The following SLC49A3 variants were observed in gnomAD, a reference collection of about 807,000 sequenced individuals.
SLC49A3 encodes the protein solute carrier family 49 member 3.
Under a neutral mutation model 43.8 loss-of-function variants are expected in SLC49A3, and 50 were observed. The observed-to-expected ratio is 1.14, with a 90% CI of 0.91 to 1.45. SLC49A3 has a LOEUF of 1.45. Ranked by LOEUF, SLC49A3 falls within the 40% of genes most tolerant of loss-of-function variation. The probability of loss-of-function intolerance (pLI) is 0.00; values close to 1 mark genes in which losing one functional copy is unlikely to be tolerated. For missense variants in SLC49A3, 906 were observed against 774.1 expected (o/e 1.17, Z -2.02); for synonymous variants, 413 against 352.0 (o/e 1.17, Z -1.94).
downstream of SLC49A3, chr4:678,350 C>T (rs954041375): frequency 2.5e-5 from 36 of 1,414,456 alleles, no homozygotes; most frequent in South Asian, 3.9e-4. Context: ...TCCACTTGCC[C>T]CTCAAGCCTT....
At chr4:686,511 A>G (rs1400747032) in intron 2 of SLC49A3, 21 bp downstream of exon 2, 9 of 1,609,550 alleles carry the variant, frequency 5.6e-6, no homozygotes, top group African/African-American at 4.0e-5. Context: ...GGAGCGGGCC[A>G]TGGTGTGGGG....
downstream of SLC49A3, chr4:676,891 T>C (rs1376445391): frequency 1.0e-6 from 1 of 985,228 alleles, no homozygotes; most frequent in African/African-American, 1.7e-5. Flanking sequence ...CAGGAGTCAG[T>C]GCTTCATAGA....
downstream of SLC49A3, among the ~76,000 whole-genome samples, chr4:677,573 C>G (rs933461604): frequency 6.6e-6 from 1 of 152,234 alleles, no homozygotes; most frequent in Non-Finnish European, 1.5e-5. Flanking sequence ...CCCTGACAGA[C>G]AGAGTGTGCT....
rs776335911 is a variant in SLC49A3 at position 686,480 on chromosome 4, C to T, written c.294+52G>A. On this transcript the variant is annotated intron_variant, in intron 2 of 9. Transcript: ENST00000322224. ...AGGCCTTGACTCTCCTACCCAAATG[C>T]GGGGGCCCCTGCACTGTCCCGGAGC... The T allele has an allele frequency of 2.9e-5, 46 of 1,584,712 alleles. 1 individual carries two copies. In the Middle Eastern group the frequency reaches 7.7e-4, roughly 27 times the overall value.
chr4:683,623 C>T lies in SLC49A3; in HGVS notation c.979G>A (p.Val327Met), dbSNP rs756207017. The change falls in exon 7 of 10, where the codon GTG becomes ATG. Residue 327 changes from valine to methionine, a missense_variant. Coordinates refer to ENST00000322224, the MANE Select transcript of SLC49A3 (RefSeq NM_032219.4). Reference sequence around the variant, plus strand: ...GAGACCCTCACCAGGGCAAAGGGCACGCAGGCCAGAGAGAACAGGCACAGG... The same window carrying T: ...GAGACCCTCACCAGGGCAAAGGGCATGCAGGCCAGAGAGAACAGGCACAGG... The part of the protein sequence containing the change: ...IGLCLFSLAC[V>M]PFALVSQLQG... 41 of 1,611,556 alleles carry T rather than the reference C, an allele frequency of 2.5e-5. 1 individual carries two copies. Among genetic ancestry groups the T allele is most frequent in the South Asian group, 1.4e-4 (13 of 90,806 alleles).
chr4:679,261 G>T (rs148785245), downstream of SLC49A3: 42 of 642,962 alleles, frequency 6.5e-5, no homozygotes, highest in African/African-American at 3.9e-4. Flanking sequence ...CCCAAGCCTG[G>T]AAACTCAGAG....
chr4:689,165 G>T, upstream of SLC49A3: 1 of 1,278,830 alleles, frequency 7.8e-7, no homozygotes, highest in Non-Finnish European at 9.9e-7. Flanking sequence ...GGTCCCGCCG[G>T]CCGCCCGGGC....
At chr4:678,866 T>A, downstream of SLC49A3, 1 of 1,608,968 alleles carries the variant, frequency 6.2e-7, no homozygotes, top group Non-Finnish European at 8.5e-7. Flanking sequence ...TGGAAGCCTA[T>A]CCTCAGTCAG....
rs1156552022 is a variant in SLC49A3 at position 682,188 on chromosome 4, G to A, written c.1450C>T (p.Pro484Ser). 2 of 1,361,698 alleles carry A rather than the reference G, an allele frequency of 1.5e-6. No homozygotes were observed. The highest frequency in any genetic ancestry group is 1.8e-5 in the South Asian group (1 of 56,262). The allele number at this position is 1,361,698 out of a possible 1,614,324, so 84.4% of individuals were successfully genotyped here. A position where few individuals can be genotyped will look rare whatever the true frequency, so the allele number is the denominator to read the frequency against. The change falls in exon 10 of 10, where the codon CCC becomes TCC. Residue 484 changes from proline (P) to serine (S), a missense_variant. Coordinates refer to ENST00000322224, the MANE Select transcript of SLC49A3 (RefSeq NM_032219.4). ...GTGCACTCCGGAGTCGCCGTGCTGG[G>A]CCCCAGGACCCCAGCCCTTCCTGCT... is the stretch of plus-strand genomic sequence containing the variant. ...GGAGRAGVLG[P>S]STATPECTAR...
rs933358004 is a variant in SLC49A3 at position 681,834 on chromosome 4, G to A, written c.*124C>T. On this transcript the variant is annotated 3_prime_UTR_variant, in exon 10 of 10. Coordinates refer to ENST00000322224, the MANE Select transcript of SLC49A3 (RefSeq NM_032219.4). The stretch of plus-strand genomic sequence containing the variant: ...GAAACCACACCCGGGGCCGCTGCAG[G>A]TGCGCGCTTGTAATTCGCTCCCGGA... The A allele has an allele frequency of 2.3e-6, 3 of 1,286,672 alleles. No individual in the cohort carries two copies. Among genetic ancestry groups the A allele is most frequent in the Non-Finnish European group, 2.0e-6 (2 of 1,009,430 alleles). 79.7% of individuals were successfully genotyped at this position (1,286,672 alleles called of 1,614,324 possible).
chr4:682,807 T>C lies in SLC49A3; in HGVS notation c.1235A>G (p.Gln412Arg). 2 of 1,598,954 alleles carry C rather than the reference T, an allele frequency of 1.3e-6. No individual in the cohort carries two copies. Among genetic ancestry groups the C allele is most frequent in the Non-Finnish European group, 8.5e-7 (1 of 1,171,022 alleles). ...RSEPSLSTCQ[Q>R]GEDPLDWTVS... ...TGTCCAGTCAAGTGGATCCTCCCCC[T>C]GCTGGCAGGTGGACAAGGACGGCTC... is the stretch of plus-strand genomic sequence containing the variant. Residue 412 changes from glutamine (Q) to arginine (R), a missense_variant, in exon 9 of 10, where the codon CAG becomes CGG. Coordinates refer to ENST00000322224, the MANE Select transcript of SLC49A3 (RefSeq NM_032219.4).
chr4:682,589 C>A (rs1034733833), intron 9 of SLC49A3, among the ~76,000 whole-genome samples, 192 bp downstream of exon 9: 1 of 152,162 alleles, frequency 6.6e-6, no homozygotes, highest in African/African-American at 2.4e-5. Flanking sequence ...TATGGGTGTG[C>A]CAGCCCCATC....
chr4:682,493 G>C, intron 9 of SLC49A3, 117 bp from the exon 10 acceptor site: 1 of 1,113,606 alleles, frequency 9.0e-7, no homozygotes, highest in Non-Finnish European at 1.2e-6. Flanking sequence ...ACCCCAGACG[G>C]AGAGCCCACT....
In SLC49A3 at chr4:685,231, C is replaced by G. The variant is rs1289516735; in HGVS notation, c.586-375G>C. 3.0e-6 allele frequency: 1 copy of G among 338,410 alleles called. No individual in the cohort carries two copies. The highest frequency in any genetic ancestry group is 4.8e-5 in the Admixed American group (1 of 20,976). 21.0% of individuals were successfully genotyped at this position (338,410 alleles called of 1,614,324 possible). ...CTCACGCTCAGTACATACCCCCAAG[C>G]ACAAACACACCACCCGCACCTGATA... On this transcript the variant is annotated intron_variant, in intron 4 of 9. Coordinates refer to ENST00000322224, the MANE Select transcript of SLC49A3 (RefSeq NM_032219.4). The surrounding 1 kb of genome is among the most constrained non-coding windows in gnomAD (Gnocchi z 4.3).
In SLC49A3 at chr4:685,016, G is replaced by T; in HGVS notation, c.586-160C>A. ...GCTGCCCTTTGCGAGGCCCAGGCTG[G>T]GAGGGGCCTGCTCCAGGGGCTCATG... On this transcript the variant is annotated intron_variant, in intron 4 of 9. Coordinates refer to ENST00000322224, the MANE Select transcript of SLC49A3 (RefSeq NM_032219.4). This position sits in a 1 kb window ranked among gnomAD's most constrained non-coding sequence, Gnocchi z 4.3. 1.0e-6 allele frequency: 1 copy of T among 994,502 alleles called. No individual in the cohort carries two copies. Among genetic ancestry groups the T allele is most frequent in the Non-Finnish European group, 1.4e-6 (1 of 703,338 alleles). The allele number at this position is 994,502 out of a possible 1,614,324, so 61.6% of individuals were successfully genotyped here.
intron 6 of SLC49A3, 75 bp from the exon 7 acceptor site, chr4:683,836 C>T: frequency 6.7e-7 from 1 of 1,499,194 alleles, no homozygotes; most frequent in South Asian, 1.3e-5. Flanking sequence ...GGGCAGGGGG[C>T]TCAGTGTAGG....
rs768963209 is a variant in SLC49A3, at chr4:681,850, C to A, written c.*108G>T. On this transcript the variant is annotated 3_prime_UTR_variant, in exon 10 of 10. Transcript: ENST00000322224. ...CCGCTGCAGGTGCGCGCTTGTAATT[C>A]GCTCCCGGAGCCCGCAAGGAGCCCT... The A allele has an allele frequency of 3.1e-6, 4 of 1,301,148 alleles. No individual in the cohort carries two copies. Among genetic ancestry groups the A allele is most frequent in the Admixed American group, 3.2e-5 (1 of 31,468 alleles). The allele number at this position is 1,301,148 out of a possible 1,614,324, so 80.6% of individuals were successfully genotyped here.
chr4:681,893 G>A lies in SLC49A3; in HGVS notation c.*65C>T, dbSNP rs200620933. On this transcript the variant is annotated 3_prime_UTR_variant, in exon 10 of 10. Transcript: ENST00000322224. ...GGAGCCCTTTCGCCCCCGCCCGCAG[G>A]TGGACCAGATGTTCCAGTTCGCCTC... The A allele has an allele frequency of 1.6e-4, 213 of 1,315,254 alleles. No individual in the cohort carries two copies. The highest frequency in any genetic ancestry group is 1.4e-3 in the Middle Eastern group (7 of 4,834). 81.5% of individuals were successfully genotyped at this position (1,315,254 alleles called of 1,614,324 possible). A position where few individuals can be genotyped will look rare whatever the true frequency, so the allele number is the denominator to read the frequency against.
chr4:682,545 G>A (rs1051426475), intron 9 of SLC49A3, among the ~76,000 whole-genome samples, 169 bp from the exon 10 acceptor site: 2 of 152,180 alleles, frequency 1.3e-5, no homozygotes, highest in Non-Finnish European at 2.9e-5. Flanking sequence ...GCAGACCCAG[G>A]TCCTGAGAGA....
Sources: gnomAD v4.1 joint callset for allele counts (sites outside exome capture counted in the v4.1 genomes callset) on GRCh38, gnomAD v4.1.1 for gene constraint, Gnocchi (gnomAD v3.1) non-coding constraint, MANE v1.5 for transcripts, NCBI Gene and HGNC (gene_info 2026-07-23, HGNC 2026-07-21) for gene names.